SLC4A10: variants seen among roughly 807,000 people sequenced by gnomAD.
The protein encoded by SLC4A10 is solute carrier family 4 member 10.
In SLC4A10, 42 loss-of-function variants were observed where a neutral mutation model predicts 137.7. That is an observed-to-expected ratio of 0.30 (90% CI 0.24 to 0.39). The LOEUF is 0.39. Ranked by LOEUF, SLC4A10 falls within the 10% of genes least tolerant of loss-of-function variation. The pLI is 1.00. For synonymous variants in SLC4A10, 474 were observed against 464.1 expected, an observed-to-expected ratio of 1.02 and a Z score of -0.27; for missense variants, 925 against 1,355.0, an observed-to-expected ratio of 0.68 and a Z score of 4.98.
At chr2:161,777,393 C>A (rs2052477843) in intron 2 of SLC4A10, among the ~76,000 whole-genome samples, 1 of 151,834 alleles carries the variant, frequency 6.6e-6, no homozygotes, top group South Asian at 2.1e-4. Flanking sequence ...ACTTTTATTG[C>A]CTATGCTTTC....
chr2:161,677,936 A>G (rs951968624), intron 1 of SLC4A10, among the ~76,000 whole-genome samples: 28 of 152,256 alleles, frequency 1.8e-4, no homozygotes, highest in African/African-American at 6.5e-4. Flanking sequence ...GGCAAGAGGT[A>G]TATCCTGAAA....
chr2:161,902,619 C>G (rs1297281339), intron 12 of SLC4A10, among the ~76,000 whole-genome samples: 3 of 152,116 alleles, frequency 2.0e-5, no homozygotes, highest in Admixed American at 6.5e-5. Flanking sequence ...CTTCTCAACC[C>G]TCTCCTACTC....
intron 1 of SLC4A10, among the ~76,000 whole-genome samples, chr2:161,645,445 A>G (rs903970591): frequency 9.9e-5 from 15 of 152,022 alleles, no homozygotes; most frequent in Non-Finnish European, 2.1e-4. Context: ...ATGTACAGAA[A>G]AGACAACATG....
chr2:161,672,966 A>ATTGT (rs2039897571), intron 1 of SLC4A10, among the ~76,000 whole-genome samples: 1 of 152,228 alleles, frequency 6.6e-6, no homozygotes, highest in Admixed American at 6.5e-5. Context: ...TCATCAAATA[A>ATTGT]AGGTCAAACC....
At chr2:161,863,709 T>A (rs2060568328) in intron 6 of SLC4A10, among the ~76,000 whole-genome samples, 1 of 152,186 alleles carries the variant, frequency 6.6e-6, no homozygotes, top group South Asian at 2.1e-4. Context: ...CAACTTACTA[T>A]GATTTATGCT....
intron 15 of SLC4A10, among the ~76,000 whole-genome samples, chr2:161,928,468 C>T (rs1034214268): frequency 6.0e-5 from 9 of 150,178 alleles, no homozygotes; most frequent in Non-Finnish European, 1.0e-4. Flanking sequence ...CACATGTATA[C>T]ATATGTAACT....
intron 1 of SLC4A10, among the ~76,000 whole-genome samples, chr2:161,717,223 T>C (rs2045021103): frequency 6.6e-6 from 1 of 152,180 alleles, no homozygotes; most frequent in Non-Finnish European, 1.5e-5. Flanking sequence ...TTTCTAGGTA[T>C]GGGATCATGT....
At chr2:161,708,168 A>G (rs2125045391) in intron 1 of SLC4A10, among the ~76,000 whole-genome samples, 1 of 151,704 alleles carries the variant, frequency 6.6e-6, no homozygotes, top group Middle Eastern at 3.4e-3. Context: ...AAAGATTGCC[A>G]AAATAAAAAT....
intron 2 of SLC4A10, among the ~76,000 whole-genome samples, chr2:161,788,447 C>A (rs928896873): frequency 1.3e-5 from 2 of 151,692 alleles, no homozygotes; most frequent in Non-Finnish European, 2.9e-5. Context: ...GACAACTGTC[C>A]TAATTGAGGT....
intron 6 of SLC4A10, 34 bp downstream of exon 6, chr2:161,863,096 C>A: frequency 6.3e-7 from 1 of 1,578,228 alleles, no homozygotes. Flanking sequence ...TTTATGTCTA[C>A]TATAGGTCTC....
chr2:161,847,084 A>AC (rs1199457512), intron 4 of SLC4A10, among the ~76,000 whole-genome samples: 2 of 119,880 alleles, frequency 1.7e-5, no homozygotes, highest in Non-Finnish European at 3.5e-5. Context: ...TTAAAAAAAT[A>AC]CAAAAAAAAA....
chr2:161,854,571 A>C (rs1211421334), intron 4 of SLC4A10, among the ~76,000 whole-genome samples: 1 of 152,196 alleles, frequency 6.6e-6, no homozygotes, highest in Non-Finnish European at 1.5e-5. Context: ...ATTCAGGTTT[A>C]AGACCTCCCA....
At chr2:161,859,918 G>T (rs1474873375) in intron 5 of SLC4A10, among the ~76,000 whole-genome samples, 2 of 152,104 alleles carry the variant, frequency 1.3e-5, no homozygotes, top group Non-Finnish European at 2.9e-5. Context: ...CCCAGATCCT[G>T]GGGCAGAATA....
At chr2:161,749,049 A>G (rs888139554) in intron 1 of SLC4A10, among the ~76,000 whole-genome samples, 1 of 151,858 alleles carries the variant, frequency 6.6e-6, no homozygotes, top group African/African-American at 2.4e-5. Flanking sequence ...ATTGTAAATG[A>G]GGTTGTTTTC....
intron 1 of SLC4A10, among the ~76,000 whole-genome samples, chr2:161,698,830 T>A (rs910809617): frequency 2.0e-5 from 3 of 152,116 alleles, no homozygotes; most frequent in Admixed American, 2.0e-4. Context: ...ATAAAATGAG[T>A]TAGGGAGGAT....
chr2:161,832,721 T>TG (rs2058508662), intron 3 of SLC4A10, among the ~76,000 whole-genome samples: 1 of 151,494 alleles, frequency 6.6e-6, no homozygotes. Flanking sequence ...ATTTTCTTTT[T>TG]TTGTTGTTGT....
chr2:161,765,626 G>A (rs963811018), intron 1 of SLC4A10, among the ~76,000 whole-genome samples: 12 of 134,902 alleles, frequency 8.9e-5, no homozygotes, highest in Non-Finnish European at 1.3e-4. Context: ...AAAAAAAAAA[G>A]TGTATCCTGA....
rs2061607328 is a variant in SLC4A10, at chr2:161,879,219, T to G, written c.1037T>G (p.Val346Gly). The G allele has an allele frequency of 6.2e-7, 1 of 1,613,422 alleles. No homozygotes were observed. Among genetic ancestry groups the G allele is most frequent in the East Asian group, 2.2e-5 (1 of 44,856 alleles). Residue 346 changes from valine (V) to glycine (G), a missense_variant, in exon 9 of 27, where the codon GTA becomes GGA. Val to Gly is a moderately radical substitution (Grantham distance 109). This residue lies in a region of SLC4A10 where 277 missense variants were observed against 306.1 expected (regional missense o/e 0.90). Transcript: ENST00000446997. ...GAACTGGAGTTCTTGGATCGAACAG[T>G]AGTTGCGTTTGTCAGGTTGTCTCCA... ...VGELEFLDRTVVAFVRLSPAV... is the reference protein window; with the variant it reads ...VGELEFLDRTGVAFVRLSPAV...
intron 15 of SLC4A10, among the ~76,000 whole-genome samples, chr2:161,929,351 C>G (rs1048481396): frequency 1.3e-5 from 2 of 152,206 alleles, no homozygotes; most frequent in African/African-American, 4.8e-5. Flanking sequence ...CACTATGCTT[C>G]TTTATGTTCA....
Sources: gnomAD v4.1 joint callset for allele counts (sites outside exome capture counted in the v4.1 genomes callset) on GRCh38, gnomAD v4.1.1 for gene constraint, gnomAD v4.1.1 regional missense constraint, MANE v1.5 for transcripts, NCBI Gene and HGNC (gene_info 2026-07-23, HGNC 2026-07-21) for gene names.